The following ACER3 variants were observed in gnomAD, a reference collection of about 807,000 sequenced individuals.
ACER3 encodes the protein alkCDase 3.
A neutral mutation model predicts 48.9 loss-of-function variants in ACER3; 16 were observed. The ratio of observed to expected loss-of-function variants is 0.33; its 90% CI spans 0.22 to 0.50. The LOEUF (loss-of-function observed/expected upper bound fraction) is 0.50, where lower values mean the gene tolerates loss of function less well. ACER3 is among the 20% of genes least tolerant of loss of function. ACER3 has a pLI of 0.98. For missense variants in ACER3, 227 were observed against 326.0 expected (o/e 0.70, Z 2.34); for synonymous variants, 109 against 107.8 (o/e 1.01, Z -0.07).
chr11:76,878,343 A>G (rs1273046907), intron 1 of ACER3, among the ~76,000 whole-genome samples: 2 of 152,058 alleles, frequency 1.3e-5, no homozygotes, highest in Non-Finnish European at 2.9e-5. Flanking sequence ...TTTTGGTCTC[A>G]TGACCCCTTT....
chr11:76,985,553 C>G (rs913162544), intron 4 of ACER3, 90 bp from the exon 5 acceptor site: 1 of 750,010 alleles, frequency 1.3e-6, no homozygotes, highest in Non-Finnish European at 2.1e-6. Context: ...CACTTATCAT[C>G]GAGAGATATA....
At chr11:76,962,689 T>A (rs1948028375) in intron 3 of ACER3, among the ~76,000 whole-genome samples, 1 of 151,330 alleles carries the variant, frequency 6.6e-6, no homozygotes, top group Non-Finnish European at 1.5e-5. Flanking sequence ...CGAAAAATAA[T>A]GAAAGTAAAG....
Position 77,022,457 on chromosome 11 carries a change from G to A in ACER3, c.*2130G>A, listed in dbSNP as rs550279251. 4 of 152,294 alleles carry A rather than the reference G, an allele frequency of 2.6e-5. No individual in the cohort carries two copies. The South Asian group carries it at 8.3e-4, about 32-fold the overall frequency. 9.4% of individuals were successfully genotyped at this position (152,294 alleles called of 1,614,324 possible). ...CTGTTGGGAGAATGGAAAGCAGAAA[G>A]GGAAGCCAGGCTCTTTAATGTTCCA... On this transcript the variant is annotated 3_prime_UTR_variant, in exon 11 of 11. Coordinates refer to ENST00000532485, the MANE Select transcript of ACER3 (RefSeq NM_018367.7).
chr11:76,914,201 A>C (rs1310903662), intron 1 of ACER3, among the ~76,000 whole-genome samples: 2 of 152,204 alleles, frequency 1.3e-5, no homozygotes, highest in Non-Finnish European at 1.5e-5. Context: ...GACAAATGAG[A>C]TCTAATTAAA....
chr11:76,871,659 T>C (rs1039741659), intron 1 of ACER3, among the ~76,000 whole-genome samples: 2 of 152,190 alleles, frequency 1.3e-5, no homozygotes, highest in African/African-American at 2.4e-5. Context: ...TTAGAGGCAA[T>C]AGATGGCAAA....
At chr11:76,945,512 T>G (rs986711964) in intron 2 of ACER3, among the ~76,000 whole-genome samples, 4 of 152,124 alleles carry the variant, frequency 2.6e-5, no homozygotes, top group African/African-American at 9.7e-5. Context: ...CTCTGTGGCT[T>G]AGGGTATAGT....
At chr11:76,959,857 A>G (rs898517527) in intron 3 of ACER3, among the ~76,000 whole-genome samples, 1 of 151,804 alleles carries the variant, frequency 6.6e-6, no homozygotes. Flanking sequence ...CCCGGCCGTT[A>G]GTGTTAATTT....
chr11:76,932,762 A>G (rs1320624761), intron 2 of ACER3, among the ~76,000 whole-genome samples: 1 of 152,216 alleles, frequency 6.6e-6, no homozygotes, highest in African/African-American at 2.4e-5. Context: ...AATAAGAAAT[A>G]AACACCAAGT....
At chr11:76,927,232 G>C (rs1016352949) in intron 2 of ACER3, among the ~76,000 whole-genome samples, 3 of 152,124 alleles carry the variant, frequency 2.0e-5, no homozygotes, top group Non-Finnish European at 4.4e-5. Context: ...TATTCTACTT[G>C]TCTGTGAGGT....
intron 4 of ACER3, among the ~76,000 whole-genome samples, chr11:76,979,919 G>A (rs1435874476): frequency 1.3e-5 from 2 of 151,806 alleles, no homozygotes; most frequent in African/African-American, 2.4e-5. Context: ...TGGGAGGATC[G>A]CTTGAGCCCA....
intron 3 of ACER3, among the ~76,000 whole-genome samples, chr11:76,969,999 A>G (rs1323306113): frequency 6.6e-6 from 1 of 152,008 alleles, no homozygotes; most frequent in South Asian, 2.1e-4. Flanking sequence ...TATAGTGTGC[A>G]GGGTGTAACT....
At chr11:76,938,093 C>A (rs941634592) in intron 2 of ACER3, among the ~76,000 whole-genome samples, 8 of 152,268 alleles carry the variant, frequency 5.3e-5, no homozygotes, top group African/African-American at 1.9e-4. Context: ...CGGCTCTCTA[C>A]AGCCTTGACC....
At chr11:76,920,973 C>T (rs897492899) in intron 1 of ACER3, among the ~76,000 whole-genome samples, 1 of 152,012 alleles carries the variant, frequency 6.6e-6, no homozygotes, top group Admixed American at 6.6e-5. Flanking sequence ...TTTAAGTCCA[C>T]GATCATTTTA....
At chr11:76,947,126 T>C (rs1355595630) in intron 2 of ACER3, among the ~76,000 whole-genome samples, 1 of 152,208 alleles carries the variant, frequency 6.6e-6, no homozygotes, top group Non-Finnish European at 1.5e-5. Flanking sequence ...TGCTTACTAT[T>C]CTGGTTCCTC....
rs1427448470 is a variant in ACER3 at position 76,861,024 on chromosome 11, C to A, written c.48C>A (p.Ser16=). 5.8e-6 allele frequency: 9 copies of A among 1,547,578 alleles called. No individual in the cohort carries two copies. In the East Asian group the frequency reaches 2.2e-4, roughly 38 times the overall value. The stretch of plus-strand genomic sequence containing the variant: ...AGGGCTACTGGGGCCCCACGACCTC[C>A]ACGCTGGACTGGTGCGAGGAGAACT... ...DREGYWGPTT[S]TLDWCEENYS... is the part of the protein sequence containing the mutation. Residue 16 remains serine, a synonymous_variant, in exon 1 of 11, where the codon TCC becomes TCA. Transcript: ENST00000532485.
At chr11:76,949,352 G>A (rs1947571132) in intron 2 of ACER3, among the ~76,000 whole-genome samples, 1 of 152,094 alleles carries the variant, frequency 6.6e-6, no homozygotes, top group Non-Finnish European at 1.5e-5. Context: ...TACTTATTTT[G>A]TGGAGTGTGC....
At chr11:77,014,576 A>G (rs1555022867) in intron 7 of ACER3, among the ~76,000 whole-genome samples, 1 of 152,212 alleles carries the variant, frequency 6.6e-6, no homozygotes, top group Non-Finnish European at 1.5e-5. Flanking sequence ...CTAATCCACT[A>G]TCACCCTGCC....
chr11:76,998,643 A>G (rs1555019122), intron 6 of ACER3, 120 bp from the exon 7 acceptor site: 18 of 653,736 alleles, frequency 2.8e-5, no homozygotes, highest in Non-Finnish European at 2.6e-6. Flanking sequence ...TATTCTTTAA[A>G]ATGTAGTGAA....
At chr11:76,890,988 A>T (rs950794159) in intron 1 of ACER3, among the ~76,000 whole-genome samples, 2 of 151,902 alleles carry the variant, frequency 1.3e-5, no homozygotes, top group Non-Finnish European at 2.9e-5. Context: ...GCATGGTGGC[A>T]CGTGCCTGTA....
Sources: allele counts gnomAD v4.1 joint callset (sites outside exome capture counted in the v4.1 genomes callset), GRCh38; gene constraint gnomAD v4.1.1; transcripts MANE v1.5; gene names NCBI Gene and HGNC (gene_info 2026-07-23, HGNC 2026-07-21).